The following GARIN3 variants were observed in gnomAD, a reference collection of about 807,000 sequenced individuals.
The protein encoded by GARIN3 is Golgi-associated RAB2 interactor protein 3.
the GARIN3 span, among the ~76,000 whole-genome samples, chr5:157,164,906 G>A: frequency 6.6e-6 from 1 of 152,074 alleles, no homozygotes; most frequent in African/African-American, 2.4e-5. Context: ...TGTAATCCCA[G>A]CTACTCAGAG....
chr5:157,162,071 G>T, the GARIN3 span: 1 of 249,438 alleles, frequency 4.0e-6, no homozygotes, highest in East Asian at 1.0e-4. Context: ...GGGGCATTCA[G>T]GGAAAAGAGG....
At chr5:157,163,769 A>G in the GARIN3 span, 108 of 1,418,952 alleles carry the variant, frequency 7.6e-5, no homozygotes, top group East Asian at 2.1e-3. Flanking sequence ...AATTAGAAGA[A>G]CCTGGGTCGG....
At chr5:157,165,544 G>A in the GARIN3 span, 30 of 1,586,866 alleles carry the variant, frequency 1.9e-5, no homozygotes, top group Middle Eastern at 1.8e-4. Context: ...CCATGTTCTC[G>A]AGCCTTTGAG....
At chr5:157,162,888 G>T in the GARIN3 span, 1 of 1,614,068 alleles carries the variant, frequency 6.2e-7, no homozygotes, top group Admixed American at 1.7e-5. Context: ...TCTGATTCTT[G>T]TCCCCCGCTC....
chr5:157,163,234 G>A, the GARIN3 span: 1 of 1,613,970 alleles, frequency 6.2e-7, no homozygotes, highest in African/African-American at 1.3e-5. Flanking sequence ...ACCCACCAAG[G>A]CCAAGCTAAT....
At chr5:157,162,149 G>C in the GARIN3 span, 1 of 408,296 alleles carries the variant, frequency 2.4e-6, no homozygotes, top group African/African-American at 2.1e-5. Flanking sequence ...TGACAGTCTC[G>C]GGGAAGCAAA....
At chr5:157,163,514 A>G in the GARIN3 span, 1 of 1,614,160 alleles carries the variant, frequency 6.2e-7, no homozygotes. Flanking sequence ...GTGCTCGTGG[A>G]TGGAGAAGCC....
the GARIN3 span, chr5:157,162,841 T>C: frequency 6.2e-7 from 1 of 1,614,186 alleles, no homozygotes; most frequent in Non-Finnish European, 8.5e-7. Flanking sequence ...ATCTCTCGTG[T>C]TTTTATGGCC....
the GARIN3 span, among the ~76,000 whole-genome samples, chr5:157,164,280 G>C: frequency 6.6e-6 from 1 of 151,194 alleles, no homozygotes; most frequent in Non-Finnish European, 1.5e-5. Context: ...CTCTTGAATA[G>C]CTGGGACTAC....
the GARIN3 span, chr5:157,162,223 C>T: frequency 1.6e-6 from 1 of 635,350 alleles, no homozygotes. Context: ...TGGTGGAGCT[C>T]TACTTGCCTG....
At chr5:157,162,531 C>G in the GARIN3 span, 105 of 1,614,192 alleles carry the variant, frequency 6.5e-5, no homozygotes, top group South Asian at 1.1e-3. Flanking sequence ...CCTGGCCACC[C>G]TGGGCTTTCT....
At chr5:157,165,491 C>T in the GARIN3 span, 1 of 1,525,614 alleles carries the variant, frequency 6.6e-7, no homozygotes, top group Non-Finnish European at 8.8e-7. Context: ...GCACCAAAGG[C>T]TTTGTAGGAC....
chr5:157,162,572 C>T, the GARIN3 span: 1 of 1,614,188 alleles, frequency 6.2e-7, no homozygotes, highest in Non-Finnish European at 8.5e-7. Context: ...TGCTTCTCCA[C>T]CATCTTAGCC....
chr5:157,162,416 A>G, the GARIN3 span: 1 of 1,595,664 alleles, frequency 6.3e-7, no homozygotes, highest in Non-Finnish European at 8.5e-7. Flanking sequence ...ATACTTCCAG[A>G]TCCCTGGGCG....
the GARIN3 span, among the ~76,000 whole-genome samples, chr5:157,164,973 C>T: frequency 3.3e-5 from 5 of 152,008 alleles, no homozygotes; most frequent in African/African-American, 7.3e-5. Flanking sequence ...GAGCCGAGAT[C>T]GTGCCATTGC....
chr5:157,163,155 G>A, the GARIN3 span: 1 of 1,614,056 alleles, frequency 6.2e-7, no homozygotes, highest in Non-Finnish European at 8.5e-7. Context: ...CACTCAAGCT[G>A]CTGTCTTGGG....
chr5:157,165,923 T>G, the GARIN3 span: 2 of 1,614,192 alleles, frequency 1.2e-6, no homozygotes, highest in Non-Finnish European at 1.7e-6. Context: ...CGTCAGGCAG[T>G]GGGAGGATGG....
At chr5:157,163,658 C>A in the GARIN3 span, 2 of 1,610,186 alleles carry the variant, frequency 1.2e-6, no homozygotes, top group Non-Finnish European at 8.5e-7. Context: ...AGCTCTGCAG[C>A]CTATACCAAG....
the GARIN3 span, chr5:157,162,791 G>T: frequency 6.2e-7 from 1 of 1,614,172 alleles, no homozygotes; most frequent in East Asian, 2.2e-5. Context: ...GAGCCATGTC[G>T]CTTGCCCCTT....
Sources: gnomAD v4.1 joint callset for allele counts (sites outside exome capture counted in the v4.1 genomes callset) on GRCh38, gnomAD v4.1.1 for gene constraint, MANE v1.5 for transcripts, NCBI Gene and HGNC (gene_info 2026-07-23, HGNC 2026-07-21) for gene names.